The following TANGO6 variants were observed in gnomAD, a reference collection of about 807,000 sequenced individuals.
TANGO6 encodes the protein transport and Golgi organization protein 6 homolog.
TANGO6 carries 90 observed loss-of-function variants against 114.2 expected under a neutral mutation model. The observed-to-expected ratio is 0.79, with a 90% confidence interval of 0.66 to 0.94. TANGO6 has a LOEUF of 0.94. Among genes scored for constraint, TANGO6 ranks in the 40% least tolerant of loss-of-function variants. The probability of loss-of-function intolerance (pLI) is 0.00; values close to 1 mark genes in which losing one functional copy is unlikely to be tolerated. For missense variants in TANGO6, 1,274 were observed against 1,315.3 expected (o/e 0.97, Z 0.49); for synonymous variants, 477 against 509.8 (o/e 0.94, Z 0.87).
At chr16:68,943,240 CT>C (rs1038142281) in intron 14 of TANGO6, among the ~76,000 whole-genome samples, 53 of 148,936 alleles carry the variant, frequency 3.6e-4, no homozygotes, top group African/African-American at 1.1e-3. Context: ...TTTTATTTCT[CT>C]TTTTTTCTTT....
At chr16:68,909,465 A>G in intron 11 of TANGO6, 63 bp downstream of exon 11, 1 of 1,398,326 alleles carries the variant, frequency 7.2e-7, no homozygotes, top group Non-Finnish European at 9.4e-7. Context: ...AAGTTTAAAA[A>G]TGTTGCTGAG....
intron 8 of TANGO6, among the ~76,000 whole-genome samples, chr16:68,901,330 G>T (rs190933264): frequency 6.6e-6 from 1 of 152,242 alleles, no homozygotes; most frequent in Non-Finnish European, 1.5e-5. Context: ...ACCATCTTTT[G>T]TACTATTCAA....
At chr16:68,877,251 C>T (rs1414556325) in intron 5 of TANGO6, among the ~76,000 whole-genome samples, 5 of 151,936 alleles carry the variant, frequency 3.3e-5, no homozygotes, top group African/African-American at 4.8e-5. Flanking sequence ...GGGCGGATCA[C>T]GAGGTCAAGA....
At chr16:68,992,340 T>G (rs185826997) in intron 15 of TANGO6, among the ~76,000 whole-genome samples, 1 of 152,312 alleles carries the variant, frequency 6.6e-6, no homozygotes, top group Non-Finnish European at 1.5e-5. Flanking sequence ...ACTCTAACCT[T>G]TAGTAGCATG....
chr16:68,874,347 G>A (rs1308895236), intron 4 of TANGO6, among the ~76,000 whole-genome samples: 4 of 152,158 alleles, frequency 2.6e-5, no homozygotes, highest in Non-Finnish European at 4.4e-5. Flanking sequence ...GAGGGCAGTC[G>A]TCAAGCTCAG....
intron 17 of TANGO6, among the ~76,000 whole-genome samples, chr16:69,073,059 T>TAA (rs760215435): frequency 2.8e-5 from 4 of 140,960 alleles, no homozygotes; most frequent in Admixed American, 7.2e-5. Context: ...AGACCTTCTT[T>TAA]AAAAAAAAAA....
chr16:68,908,600 A>C (rs1181314491), intron 10 of TANGO6, among the ~76,000 whole-genome samples: 1 of 152,190 alleles, frequency 6.6e-6, no homozygotes, highest in Non-Finnish European at 1.5e-5. Context: ...GGATCACTTG[A>C]GCCCAGGAGG....
chr16:68,843,710 A>C lies in TANGO6; in HGVS notation c.93A>C (p.Gly31=). ...CATTGAAGCTGCTGCTGAGCCCGGG[A>C]GGTGAGAGGACGCATCTCCGCGCCG... The part of the protein sequence containing the change: ...LEALKLLLSP[G]GSGSSSLQVT... The change falls in exon 1 of 18, where the codon GGA becomes GGC. Residue 31 remains glycine (G), a splice_region_variant and synonymous_variant. Coordinates refer to ENST00000261778, the MANE Select transcript of TANGO6 (RefSeq NM_024562.2). 6.2e-7 allele frequency: 1 copy of C among 1,613,352 alleles called. No individual in the cohort carries two copies. The highest frequency in any genetic ancestry group is 1.3e-5 in the African/African-American group (1 of 75,000).
intron 11 of TANGO6, 109 bp from the exon 12 acceptor site, chr16:68,918,976 G>A (rs1487178719): frequency 7.5e-7 from 1 of 1,337,534 alleles, no homozygotes; most frequent in African/African-American, 1.5e-5. Flanking sequence ...GATGGTTCTT[G>A]CTATCATGAT....
chr16:69,016,338 C>T (rs150587891), intron 15 of TANGO6, among the ~76,000 whole-genome samples: 69 of 151,350 alleles, frequency 4.6e-4, no homozygotes, highest in Middle Eastern at 6.8e-3. Flanking sequence ...AGGGAGGTTG[C>T]GGTGAGCCGA....
intron 8 of TANGO6, among the ~76,000 whole-genome samples, chr16:68,900,815 A>G (rs1208036259): frequency 2.0e-5 from 3 of 152,212 alleles, no homozygotes; most frequent in Non-Finnish European, 4.4e-5. Context: ...ATGTGTAAAC[A>G]TGCCACTTTT....
At chr16:68,878,340 G>A (rs1005497898) in intron 6 of TANGO6, 60 bp downstream of exon 6, 37 of 1,508,276 alleles carry the variant, frequency 2.5e-5, no homozygotes, top group Middle Eastern at 1.8e-4. Flanking sequence ...AGTATTTCAC[G>A]TTGAAATGAT....
intron 5 of TANGO6, among the ~76,000 whole-genome samples, chr16:68,876,996 C>T (rs1962372672): frequency 6.6e-6 from 1 of 151,994 alleles, no homozygotes; most frequent in Non-Finnish European, 1.5e-5. Context: ...AGTTAATATC[C>T]ATAAGTCTTT....
chr16:68,973,947 C>A, intron 14 of TANGO6, 81 bp from the exon 15 acceptor site: 1 of 1,469,942 alleles, frequency 6.8e-7, no homozygotes, highest in South Asian at 1.2e-5. Flanking sequence ...TCTCTGCGTT[C>A]ATCCCATCAC....
intron 15 of TANGO6, among the ~76,000 whole-genome samples, chr16:69,010,064 T>G (rs1964131162): frequency 6.6e-6 from 1 of 152,194 alleles, no homozygotes; most frequent in Non-Finnish European, 1.5e-5. Context: ...TAGAAAGTTT[T>G]CAATCATTCT....
intron 11 of TANGO6, among the ~76,000 whole-genome samples, chr16:68,914,409 GCCTT>G (rs1419615791): frequency 6.6e-6 from 1 of 152,134 alleles, no homozygotes; most frequent in Non-Finnish European, 1.5e-5. Context: ...TGATCTGCCT[GCCTT>G]GGCCTCCCAA....
chr16:69,012,556 CAAAAAAAAAAAAAAAAAAAAAAGGA>C (rs1234276532), intron 15 of TANGO6, among the ~76,000 whole-genome samples: 4 of 36,510 alleles, frequency 1.1e-4, no homozygotes, highest in South Asian at 1.1e-3. Context: ...AACTCTGTCT[CAAAAAAAAAAAAAAAAAAAAAAGGA>C]AAAAAAAAAA....
At chr16:69,064,379 C>G (rs112333894) in intron 17 of TANGO6, among the ~76,000 whole-genome samples, 2,622 of 152,194 alleles carry the variant, frequency 0.017, 84 homozygotes, top group African/African-American at 0.059. Flanking sequence ...TCCACAGAGG[C>G]ATGACCTGAG....
At chr16:68,950,650 G>A (rs1184629994) in intron 14 of TANGO6, among the ~76,000 whole-genome samples, 1 of 151,380 alleles carries the variant, frequency 6.6e-6, no homozygotes. Flanking sequence ...CACGAGTTCA[G>A]GAGTTCGAGA....
Sources: gnomAD v4.1 joint callset for allele counts (sites outside exome capture counted in the v4.1 genomes callset) on GRCh38, gnomAD v4.1.1 for gene constraint, MANE v1.5 for transcripts, NCBI Gene and HGNC (gene_info 2026-07-23, HGNC 2026-07-21) for gene names.